Variants in ATP9A observed in about 807,000 individuals in gnomAD.
The protein encoded by ATP9A is ATPase phospholipid transporting 9A, also known as probable phospholipid-transporting ATPase IIA.
A neutral mutation model predicts 144.1 loss-of-function variants in ATP9A; 52 were observed. The observed-to-expected ratio is 0.36, with a 90% CI of 0.29 to 0.45. The LOEUF (loss-of-function observed/expected upper bound fraction) is 0.45, where lower values mean the gene tolerates loss of function less well. Among genes scored for constraint, ATP9A ranks in the 20% least tolerant of loss-of-function variants. The probability of loss-of-function intolerance (pLI) is 1.00; values close to 1 mark genes in which losing one functional copy is unlikely to be tolerated. For synonymous variants in ATP9A, 582 were observed against 557.4 expected (o/e 1.04, Z -0.62); for missense variants, 947 against 1,392.7 (o/e 0.68, Z 5.09).
chr20:51,657,276 T>C, intron 13 of ATP9A, 126 bp from the exon 14 acceptor site: 2 of 654,126 alleles, frequency 3.1e-6, no homozygotes, highest in Non-Finnish European at 5.0e-6. Flanking sequence ...CTTAGATATA[T>C]CTACAATGAT....
At chr20:51,683,123 T>C (rs2077507635) in intron 9 of ATP9A, among the ~76,000 whole-genome samples, 1 of 151,946 alleles carries the variant, frequency 6.6e-6, no homozygotes, top group African/African-American at 2.4e-5. Context: ...AGCGTCTTTC[T>C]CTGTCACCCA....
rs148004702 is a variant in ATP9A, at chr20:51,614,392, C to T, written c.2416-560G>A. ...CTTGGCTTACAGCAACTTCTGCCTC[C>T]CAGGTTCAAGCCATCCTCCCACCTC... On this transcript the variant is annotated intron_variant, in intron 22 of 27. Coordinates refer to ENST00000338821, the MANE Select transcript of ATP9A (RefSeq NM_006045.3). Among the ~76,000 whole-genome samples the T allele has an allele frequency of 9.4e-3, 1,427 of 152,246 alleles. 6 individuals are homozygous for T. Among genetic ancestry groups the T allele is most frequent in the Middle Eastern group, 0.01 (3 of 294 alleles).
At chr20:51,626,255 G>A (rs759002770) in intron 17 of ATP9A, among the ~76,000 whole-genome samples, 2 of 152,192 alleles carry the variant, frequency 1.3e-5, no homozygotes, top group Admixed American at 6.5e-5. Context: ...CTAGAAGACC[G>A]AGGCAGGCAG....
intron 1 of ATP9A, among the ~76,000 whole-genome samples, chr20:51,739,512 C>T (rs757246732): frequency 5.9e-5 from 9 of 151,680 alleles, no homozygotes; most frequent in Non-Finnish European, 1.2e-4. Context: ...CCACCATGCC[C>T]GGCTAATTTT....
intron 1 of ATP9A, among the ~76,000 whole-genome samples, chr20:51,764,978 C>T (rs982456901): frequency 5.3e-5 from 8 of 152,126 alleles, no homozygotes; most frequent in Non-Finnish European, 1.0e-4. Flanking sequence ...ACCTTGGCCT[C>T]CCAAAGTGCT....
chr20:51,678,252 A>G (rs1331433051), intron 9 of ATP9A, among the ~76,000 whole-genome samples: 1 of 152,126 alleles, frequency 6.6e-6, no homozygotes, highest in Non-Finnish European at 1.5e-5. Flanking sequence ...AGATCCCAGG[A>G]ATACAAGCAA....
intron 14 of ATP9A, among the ~76,000 whole-genome samples, chr20:51,647,667 T>C (rs576227133): frequency 1.3e-5 from 2 of 152,046 alleles, no homozygotes; most frequent in East Asian, 3.9e-4. Flanking sequence ...GAGGCGGAGG[T>C]TGCAGTGAGC....
intron 1 of ATP9A, among the ~76,000 whole-genome samples, chr20:51,751,581 G>GT (rs151203522): frequency 1.3e-5 from 2 of 151,190 alleles, no homozygotes; most frequent in Non-Finnish European, 3.0e-5. Context: ...CTTTTTGTTT[G>GT]TTTTTTGTTT....
At chr20:51,763,343 C>G (rs1478844590) in intron 1 of ATP9A, among the ~76,000 whole-genome samples, 1 of 145,914 alleles carries the variant, frequency 6.9e-6, no homozygotes, top group African/African-American at 2.6e-5. Flanking sequence ...GATGGAGTCT[C>G]GCTGTGTCGC....
chr20:51,681,995 T>G (rs746337961), intron 9 of ATP9A, among the ~76,000 whole-genome samples: 4 of 151,580 alleles, frequency 2.6e-5, no homozygotes, highest in African/African-American at 7.3e-5. Flanking sequence ...TAGAAGGGAG[T>G]GGAGGGAGCT....
chr20:51,676,971 A>T (rs2077480151), intron 9 of ATP9A, among the ~76,000 whole-genome samples: 1 of 122,522 alleles, frequency 8.2e-6, no homozygotes, highest in Non-Finnish European at 1.6e-5. Context: ...TCTGTTGCCC[A>T]GGCTAGAGTG....
intron 14 of ATP9A, among the ~76,000 whole-genome samples, chr20:51,646,255 A>C (rs544139768): frequency 6.6e-6 from 1 of 152,294 alleles, no homozygotes; most frequent in African/African-American, 2.4e-5. Context: ...TTCTCTTTGT[A>C]CCTGGGATGC....
intron 14 of ATP9A, among the ~76,000 whole-genome samples, chr20:51,646,663 G>T (rs2077343558): frequency 6.6e-6 from 1 of 152,176 alleles, no homozygotes; most frequent in South Asian, 2.1e-4. Context: ...CCAGGTAGAA[G>T]TTGGGCCTAC....
chr20:51,655,875 C>G (rs2077384932), intron 14 of ATP9A, among the ~76,000 whole-genome samples: 2 of 151,606 alleles, frequency 1.3e-5, no homozygotes, highest in African/African-American at 4.8e-5. Context: ...AAAAAAAAAT[C>G]CAAATGTGCA....
chr20:51,742,069 A>G (rs1379941730), intron 1 of ATP9A, among the ~76,000 whole-genome samples: 1 of 152,186 alleles, frequency 6.6e-6, no homozygotes, highest in Non-Finnish European at 1.5e-5. Context: ...CACACCTGTC[A>G]TCCCAACACT....
At chr20:51,754,331 G>A (rs1021835702) in intron 1 of ATP9A, among the ~76,000 whole-genome samples, 10 of 151,916 alleles carry the variant, frequency 6.6e-5, no homozygotes, top group South Asian at 2.1e-4. Flanking sequence ...GAGAAACCCC[G>A]TCTCTACTAA....
intron 27 of ATP9A, among the ~76,000 whole-genome samples, chr20:51,603,771 A>ATTGT (rs2077152354): frequency 6.7e-6 from 1 of 149,706 alleles, no homozygotes; most frequent in African/African-American, 2.5e-5. Flanking sequence ...AACATTTTTT[A>ATTGT]TTATTTATTT....
At chr20:51,735,922 G>C (rs1460697701) in intron 1 of ATP9A, among the ~76,000 whole-genome samples, 1 of 152,224 alleles carries the variant, frequency 6.6e-6, no homozygotes, top group East Asian at 1.9e-4. Context: ...GAACAGGACA[G>C]ACAAGGCCCT....
chr20:51,702,483 G>T (rs912069842), intron 4 of ATP9A, among the ~76,000 whole-genome samples: 11 of 151,674 alleles, frequency 7.3e-5, no homozygotes, highest in African/African-American at 2.7e-4. Flanking sequence ...TAAAAAAGCA[G>T]ATACTGTTAT....
Sources: allele counts gnomAD v4.1 joint callset (sites outside exome capture counted in the v4.1 genomes callset), GRCh38; gene constraint gnomAD v4.1.1; transcripts MANE v1.5; gene names NCBI Gene and HGNC (gene_info 2026-07-23, HGNC 2026-07-21).